The following PRKAR1A variants were observed in gnomAD, a reference collection of about 807,000 sequenced individuals.
The protein encoded by PRKAR1A is cAMP-dependent protein kinase type I-alpha regulatory subunit.
A neutral mutation model predicts 52.0 loss-of-function variants in PRKAR1A; 3 were observed. The observed-to-expected ratio is 0.06, with a 90% CI of 0.03 to 0.15. The LOEUF (loss-of-function observed/expected upper bound fraction) is 0.15. Among genes scored for constraint, PRKAR1A ranks in the 10% least tolerant of loss-of-function variants. The probability of loss-of-function intolerance (pLI) is 1.00; values close to 1 mark genes in which losing one functional copy is unlikely to be tolerated. For synonymous variants in PRKAR1A, 188 were observed against 168.4 expected (o/e 1.12, Z -0.90); for missense variants, 240 against 477.4 (o/e 0.50, Z 4.63).
At chr17:68,470,838 T>C in the PRKAR1A span, among the ~76,000 whole-genome samples, 1 of 152,186 alleles carries the variant, frequency 6.6e-6, no homozygotes, top group East Asian at 1.9e-4. Context: ...AAATGGAGGC[T>C]CAGAAAACCA....
the PRKAR1A span, among the ~76,000 whole-genome samples, chr17:68,449,897 G>C: frequency 6.6e-6 from 1 of 152,224 alleles, no homozygotes; most frequent in East Asian, 1.9e-4. Flanking sequence ...TGTAGTCCCA[G>C]CTACTCAGGA....
the PRKAR1A span, among the ~76,000 whole-genome samples, chr17:68,474,767 C>A: frequency 1.4e-4 from 22 of 152,126 alleles, no homozygotes; most frequent in Admixed American, 1.4e-3. Context: ...TGGTGGCGGG[C>A]GCCTGTAGTC....
chr17:68,548,680 A>G (rs905444823), intron 11 of PRKAR1A, among the ~76,000 whole-genome samples: 1 of 151,766 alleles, frequency 6.6e-6, no homozygotes, highest in African/African-American at 2.4e-5. Flanking sequence ...AGTATCTGCA[A>G]AGTACAATAA....
chr17:68,437,948 T>TA, the PRKAR1A span, among the ~76,000 whole-genome samples: 18 of 78,800 alleles, frequency 2.3e-4, no homozygotes, highest in African/African-American at 7.1e-4. Flanking sequence ...ACATCTCTCT[T>TA]AAAAAAAAAA....
chr17:68,486,466 T>TCTCC, the PRKAR1A span, among the ~76,000 whole-genome samples: 3 of 131,206 alleles, frequency 2.3e-5, no homozygotes, highest in East Asian at 4.6e-4. Flanking sequence ...TCTTTCTTTC[T>TCTCC]TTCTCTCCTT....
chr17:68,505,274 G>A, the PRKAR1A span, among the ~76,000 whole-genome samples: 1 of 152,144 alleles, frequency 6.6e-6, no homozygotes, highest in Non-Finnish European at 1.5e-5. Flanking sequence ...TTAGGTGGCA[G>A]AGCCAGACTC....
chr17:68,534,560 CT>C (rs34994040), downstream of PRKAR1A, among the ~76,000 whole-genome samples: 69,860 of 110,968 alleles, frequency 0.63, 19,965 homozygotes, highest in East Asian at 0.79. Flanking sequence ...TTTTTAGTGC[CT>C]TTTTTTTTTT....
At chr17:68,515,043 G>C in intron 1 of PRKAR1A, 1 of 317,468 alleles carries the variant, frequency 3.1e-6, no homozygotes, top group Non-Finnish European at 6.1e-6. Context: ...TACTTCCCAC[G>C]TCATCATGAT....
chr17:68,542,637 G>T, intron 11 of PRKAR1A: 1 of 1,310,466 alleles, frequency 7.6e-7, no homozygotes, highest in Non-Finnish European at 1.1e-6. Context: ...TGGAGGGGTG[G>T]ACACTCTGGC....
chr17:68,461,795 C>T, the PRKAR1A span, among the ~76,000 whole-genome samples: 1 of 151,630 alleles, frequency 6.6e-6, no homozygotes, highest in Non-Finnish European at 1.5e-5. This position sits in a 1 kb window ranked among gnomAD's most constrained non-coding sequence, Gnocchi z 4.6. Flanking sequence ...GGAGGAAGCT[C>T]AAGGAGTCAG....
the PRKAR1A span, among the ~76,000 whole-genome samples, chr17:68,480,726 T>G: frequency 1.6e-3 from 251 of 152,270 alleles, 1 homozygote; most frequent in African/African-American, 5.6e-3. Flanking sequence ...TTTTGTAATT[T>G]TTTTGTAGAG....
At chr17:68,537,682 C>T (rs1255576733), downstream of PRKAR1A, 2 of 1,613,602 alleles carry the variant, frequency 1.2e-6, no homozygotes, top group African/African-American at 1.3e-5. The surrounding 1 kb of genome is among the most constrained non-coding windows in gnomAD (Gnocchi z 4.2). Context: ...CATCACATCG[C>T]TGAGTCTGTA....
At chr17:68,465,414 A>T in the PRKAR1A span, among the ~76,000 whole-genome samples, 44 of 152,030 alleles carry the variant, frequency 2.9e-4, no homozygotes, top group Non-Finnish European at 5.7e-4. Context: ...GACAGACCAG[A>T]TTGTTTCTGG....
the PRKAR1A span, chr17:68,436,587 G>T: frequency 4.1e-6 from 4 of 975,616 alleles, no homozygotes; most frequent in Non-Finnish European, 4.6e-6. Context: ...TACTGGCAAG[G>T]GGAGGAATGG....
upstream of PRKAR1A, among the ~76,000 whole-genome samples, chr17:68,511,477 TG>T (rs1262085895): frequency 2.6e-5 from 4 of 152,238 alleles, no homozygotes; most frequent in African/African-American, 9.6e-5. Flanking sequence ...TGCGATTTCT[TG>T]TTGGGTCACA....
At chr17:68,503,153 A>T in the PRKAR1A span, among the ~76,000 whole-genome samples, 3 of 152,248 alleles carry the variant, frequency 2.0e-5, no homozygotes, top group Non-Finnish European at 4.4e-5. Context: ...ACTATAAATT[A>T]AAACAAGGAG....
chr17:68,426,268 C>T, the PRKAR1A span: 2 of 918,498 alleles, frequency 2.2e-6, no homozygotes, highest in South Asian at 2.8e-5. Flanking sequence ...AAATAAAGGG[C>T]AAAGGAAGCA....
the PRKAR1A span, among the ~76,000 whole-genome samples, chr17:68,482,426 T>A: frequency 6.6e-6 from 1 of 152,248 alleles, no homozygotes; most frequent in Non-Finnish European, 1.5e-5. Context: ...TTCATCTCAT[T>A]TATATGCTAT....
chr17:68,536,227 A>C, downstream of PRKAR1A: 1 of 454,146 alleles, frequency 2.2e-6, no homozygotes. Flanking sequence ...CTTTAGTGAC[A>C]GCTCCATTCT....
Sources: gnomAD v4.1 joint callset for allele counts (sites outside exome capture counted in the v4.1 genomes callset) on GRCh38, gnomAD v4.1.1 for gene constraint, Gnocchi (gnomAD v3.1) non-coding constraint, MANE v1.5 for transcripts, NCBI Gene and HGNC (gene_info 2026-07-23, HGNC 2026-07-21) for gene names.